The following F5 variants were observed in gnomAD, a reference collection of about 807,000 sequenced individuals.
The protein encoded by F5 is coagulation factor V, also known as activated protein c cofactor.
Under a neutral mutation model 216.4 loss-of-function variants are expected in F5, and 138 were observed. That is an observed-to-expected ratio of 0.64 (90% CI 0.56 to 0.73). The LOEUF is 0.73. Ranked by LOEUF, F5 falls within the 30% of genes least tolerant of loss-of-function variation. The pLI is 0.00. For missense variants in F5, 2,403 were observed against 2,674.0 expected (o/e 0.90, Z 2.24); for synonymous variants, 916 against 930.7 (o/e 0.98, Z 0.29).
At chr1:169,517,056 T>C (rs1282617047) in intron 23 of F5, among the ~76,000 whole-genome samples, 1 of 152,184 alleles carries the variant, frequency 6.6e-6, no homozygotes, top group African/African-American at 2.4e-5. Flanking sequence ...TATATTGCTA[T>C]GTAAATTATA....
chr1:169,527,873 G>A, intron 17 of F5, 42 bp downstream of exon 17: 1 of 1,608,892 alleles, frequency 6.2e-7, no homozygotes, highest in Non-Finnish European at 8.5e-7. Flanking sequence ...CCTTTTCCCT[G>A]TATTTCTTAG....
rs778897920 is a variant in F5 at position 169,523,263 on chromosome 1, A to G, written c.5982T>C (p.Tyr1994=). ...TGATCTGGTTGGAACTGTAAGCTAC[A>G]TAGAACTCTGTGGTATAGCAGGACT... The part of the protein sequence containing the change: ...YLKSCYTTEF[Y]VAYSSNQINW... The change falls in exon 21 of 25, where the codon TAT becomes TAC. Residue 1994 remains tyrosine, a synonymous_variant. Coordinates refer to ENST00000367797, the MANE Select transcript of F5 (RefSeq NM_000130.5). 8 of 1,613,998 alleles carry G rather than the reference A, an allele frequency of 5.0e-6. No homozygotes were observed. In the Admixed American group the frequency reaches 1.2e-4, roughly 24 times the overall value.
In F5 at chr1:169,543,122, A is replaced by G; in HGVS notation, c.1976-8T>C. The G allele has an allele frequency of 6.2e-7, 1 of 1,611,966 alleles. No individual in the cohort carries two copies. Among genetic ancestry groups the G allele is most frequent in the Non-Finnish European group, 8.5e-7 (1 of 1,179,028 alleles). On this transcript the variant is annotated splice_polypyrimidine_tract_variant and splice_region_variant and intron_variant, in intron 12 of 24. Transcript: ENST00000367797. ...AAGTTAACATCCAAGTTCCTACAGA[A>G]GAGAGACAGACAGAAGAGAGATCTG...
chr1:169,527,843 T>A, intron 17 of F5, 72 bp downstream of exon 17: 1 of 1,569,080 alleles, frequency 6.4e-7, no homozygotes, highest in Non-Finnish European at 8.7e-7. Context: ...AAGGAAGAAA[T>A]GAGAAGGAGT....
rs1249783441 is a variant in F5 at position 169,586,149 on chromosome 1, A to G, written c.158+80T>C. 8 of 1,531,132 alleles carry G rather than the reference A, an allele frequency of 5.2e-6. No individual in the cohort carries two copies. In the South Asian group the frequency reaches 8.1e-5, roughly 15 times the overall value. 94.8% of individuals were successfully genotyped at this position (1,531,132 alleles called of 1,614,324 possible). A position where few individuals can be genotyped will look rare whatever the true frequency, so the allele number is the denominator to read the frequency against. On this transcript the variant is annotated intron_variant, in intron 1 of 24. Transcript: ENST00000367797. ...GAAGTTAAAAAAAAAAAAAGCCATG[A>G]CATTGCAAAGGGAATGTTCTCTAAA...
At chr1:169,564,147 T>C (rs1048332734) in intron 3 of F5, among the ~76,000 whole-genome samples, 1 of 152,102 alleles carries the variant, frequency 6.6e-6, no homozygotes, top group Admixed American at 6.6e-5. Flanking sequence ...CTATGTTTGA[T>C]GGTAGGAACA....
intron 20 of F5, 90 bp downstream of exon 20, chr1:169,523,711 C>A (rs1011414707): frequency 2.5e-6 from 3 of 1,176,872 alleles, no homozygotes; most frequent in Non-Finnish European, 3.8e-6. Flanking sequence ...CCCCTAACAA[C>A]ATTGCAAGAA....
At position 169,568,760 on chromosome 1, in the gene F5, A is replaced by G. The variant is rs377106115; in HGVS notation, c.373+3461T>C. Among the ~76,000 whole-genome samples the G allele has an allele frequency of 1.6e-4, 24 of 152,264 alleles. No individual in the cohort carries two copies. In the East Asian group the frequency reaches 1.9e-3, roughly 12 times the overall value. On this transcript the variant is annotated intron_variant, in intron 3 of 24. Transcript: ENST00000367797. ...TGTCATGATGTACTAATTACTTGCC[A>G]AAGGCTCTCAGTATTTTTTAAAAAT...
chr1:169,576,471 A>C (rs527300528), intron 2 of F5, among the ~76,000 whole-genome samples: 20 of 152,308 alleles, frequency 1.3e-4, no homozygotes, highest in African/African-American at 4.1e-4. Flanking sequence ...GGGAGGTAGG[A>C]ATCGGGGGAC....
Position 169,544,484 on chromosome 1 carries a change from C to G in F5, c.1787G>C (p.Ser596Thr), listed in dbSNP as rs779709744. Residue 596 changes from serine (S) to threonine (T), a missense_variant, in exon 12 of 25, where the codon AGC becomes ACC. Ser to Thr is a moderately conservative substitution (Grantham distance 58). Transcript: ENST00000367797. ...MSTINGYVPESITTLGFCFDD... is the reference protein window; with the variant it reads ...MSTINGYVPETITTLGFCFDD... Reference sequence around the variant, plus strand: ...AAAGCAGAATCCAAGAGTAGTTATGCTCTCAGGCACATAGCCATTGATAGC... The same window carrying G: ...AAAGCAGAATCCAAGAGTAGTTATGGTCTCAGGCACATAGCCATTGATAGC... 6 of 1,614,022 alleles carry G rather than the reference C, an allele frequency of 3.7e-6. No individual in the cohort carries two copies. The South Asian group carries it at 6.6e-5, about 18-fold the overall frequency.
intron 19 of F5, among the ~76,000 whole-genome samples, chr1:169,524,284 T>C (rs943505389): frequency 9.9e-5 from 15 of 152,206 alleles, no homozygotes; most frequent in Admixed American, 5.2e-4. Flanking sequence ...TGGGAAAACT[T>C]TGGAGGAGTT....
At position 169,549,888 on chromosome 1, in the gene F5, G is replaced by A. The variant is rs767405314; in HGVS notation, c.1524C>T (p.Asp508=). The change falls in exon 10 of 25, where the codon GAC becomes GAT. Residue 508 remains aspartate, a synonymous_variant. Transcript: ENST00000367797. ...AGGCGATGTCTCTCATGATGTCCACGTCACTGTAGTATGGTCTTGTTAAGC... is the reference window on the plus strand; with the variant it reads ...AGGCGATGTCTCTCATGATGTCCACATCACTGTAGTATGGTCTTGTTAAGC... ...AQCLTRPYYS[D]VDIMRDIASG... is the part of the protein sequence containing the mutation. 24 of 1,613,930 alleles carry A rather than the reference G, an allele frequency of 1.5e-5. No individual in the cohort carries two copies. The highest frequency in any genetic ancestry group is 8.3e-5 in the Admixed American group (5 of 60,010).
chr1:169,530,974 C>T lies in F5; in HGVS notation c.5020G>A (p.Gly1674Arg). The change falls in exon 15 of 25, where the codon GGA (glycine) becomes AGA (arginine). Residue 1674 changes from glycine (G) to arginine (R), a missense_variant. Physicochemically the swap from Gly to Arg is moderately radical, Grantham distance 125. Transcript: ENST00000367797. ...TCTGATGATTTTTCATAGGAAAGTC[C>T]ATGGGCATGTAGAGAATACGGTCTG... ...ASRPYSLHAH[G>R]LSYEKSSEGK... The T allele has an allele frequency of 6.2e-7, 1 of 1,613,704 alleles. No homozygotes were observed. The highest frequency in any genetic ancestry group is 1.1e-5 in the South Asian group (1 of 91,086).
At chr1:169,568,694 T>A (rs189271133) in intron 3 of F5, among the ~76,000 whole-genome samples, 5 of 152,266 alleles carry the variant, frequency 3.3e-5, no homozygotes, top group African/African-American at 1.2e-4. Context: ...TCTGTTCATT[T>A]CCTGCTCAGT....
At chr1:169,530,136 A>T (rs1659557282) in intron 15 of F5, among the ~76,000 whole-genome samples, 1 of 152,178 alleles carries the variant, frequency 6.6e-6, no homozygotes, top group Non-Finnish European at 1.5e-5. Flanking sequence ...CCTGACAACT[A>T]TCTTATATGG....
intron 3 of F5, among the ~76,000 whole-genome samples, chr1:169,564,998 A>G (rs1660567120): frequency 6.6e-6 from 1 of 152,006 alleles, no homozygotes; most frequent in Non-Finnish European, 1.5e-5. Flanking sequence ...CAGTCTTATC[A>G]TACGTCTTTT....
At chr1:169,585,022 A>G (rs535537502) in intron 1 of F5, among the ~76,000 whole-genome samples, 7 of 152,218 alleles carry the variant, frequency 4.6e-5, no homozygotes, top group Non-Finnish European at 8.8e-5. Context: ...CCAGCATGCT[A>G]CAAGAAAGCC....
At chr1:169,576,196 A>G (rs1386437242) in intron 2 of F5, among the ~76,000 whole-genome samples, 1 of 152,220 alleles carries the variant, frequency 6.6e-6, no homozygotes, top group African/African-American at 2.4e-5. Context: ...TATAATCATA[A>G]AAGAATAAAT....
intron 21 of F5, among the ~76,000 whole-genome samples, chr1:169,521,645 G>A (rs564216274): frequency 1.9e-4 from 21 of 108,398 alleles, no homozygotes; most frequent in Non-Finnish European, 3.2e-4. Context: ...TTTTTGAGAC[G>A]GAGTCTCACT....
Sources: gnomAD v4.1 joint callset for allele counts (sites outside exome capture counted in the v4.1 genomes callset) on GRCh38, gnomAD v4.1.1 for gene constraint, MANE v1.5 for transcripts, NCBI Gene and HGNC (gene_info 2026-07-23, HGNC 2026-07-21) for gene names.